Variants in FGF10 observed in about 807,000 individuals in gnomAD.
The protein encoded by FGF10 is fibroblast growth factor 10.
In FGF10, 2 loss-of-function variants were observed where a neutral mutation model predicts 19.8. That is an observed-to-expected ratio of 0.10 (90% CI 0.04 to 0.32). The LOEUF (loss-of-function observed/expected upper bound fraction) is 0.32. Ranked by LOEUF, FGF10 falls within the 10% of genes least tolerant of loss-of-function variation. The pLI is 1.00. For missense variants in FGF10, 191 were observed against 246.3 expected, an observed-to-expected ratio of 0.78 and a Z score of 1.50; for synonymous variants, 112 against 94.0, an observed-to-expected ratio of 1.19 and a Z score of -1.10.
intron 1 of FGF10, among the ~76,000 whole-genome samples, chr5:44,362,042 TAAAAA>T (rs1239488434): frequency 6.6e-6 from 1 of 151,640 alleles, no homozygotes; most frequent in African/African-American, 2.4e-5. Context: ...CTATACTCTC[TAAAAA>T]GCCATGCCAA....
chr5:44,340,285 C>T (rs1019570553), intron 1 of FGF10, among the ~76,000 whole-genome samples: 11 of 152,068 alleles, frequency 7.2e-5, no homozygotes, highest in African/African-American at 2.7e-4. Flanking sequence ...ACTCCTTTCC[C>T]TGTCCCTTCA....
rs549240367 is a variant in FGF10, at chr5:44,334,003, C to A, written c.326-23473G>T. On this transcript the variant is annotated intron_variant, in intron 1 of 2. Coordinates refer to ENST00000264664, the MANE Select transcript of FGF10 (RefSeq NM_004465.2). The stretch of plus-strand genomic sequence containing the variant: ...AGTAGATTAAATCTTCTGGCCCACA[C>A]CCTCTTTATTTTCAGAAACAAATGG... Among the ~76,000 whole-genome samples the A allele has an allele frequency of 8.5e-5, 13 of 152,124 alleles. No homozygotes were observed. The South Asian group carries it at 1.9e-3, about 22-fold the overall frequency.
chr5:44,388,796 C>T lies in FGF10; in HGVS notation c.-114G>A. The T allele has an allele frequency of 9.1e-7, 1 of 1,095,544 alleles. No individual in the cohort carries two copies. Among genetic ancestry groups the T allele is most frequent in the Non-Finnish European group, 1.4e-6 (1 of 728,988 alleles). The allele number at this position is 1,095,544 out of a possible 1,614,324, so 67.9% of individuals were successfully genotyped here. ...GAGGTGGTGGCTGCTGGTTAGCTCC[C>T]TCTGGGCGCGGATCTGGCCAGAAGT... On this transcript the variant is annotated 5_prime_UTR_variant, in exon 1 of 3. Transcript: ENST00000264664.
intron 1 of FGF10, among the ~76,000 whole-genome samples, chr5:44,339,513 C>A (rs1304111551): frequency 2.0e-5 from 3 of 152,116 alleles, no homozygotes; most frequent in Non-Finnish European, 4.4e-5. Flanking sequence ...TCTGGTATAG[C>A]AAGACAATTT....
At chr5:44,383,834 G>A (rs73752013) in intron 1 of FGF10, among the ~76,000 whole-genome samples, 3,720 of 152,074 alleles carry the variant, frequency 0.024, 164 homozygotes, top group African/African-American at 0.084. Flanking sequence ...AGATACCAGT[G>A]GAAGCCATAA....
chr5:44,307,832 ATT>A (rs1270082960), intron 2 of FGF10, among the ~76,000 whole-genome samples: 3 of 152,214 alleles, frequency 2.0e-5, no homozygotes, highest in Non-Finnish European at 2.9e-5. Context: ...ATAATTTTTC[ATT>A]ATTCCTAGTA....
chr5:44,310,989 C>CTA (rs1157598396), intron 1 of FGF10, among the ~76,000 whole-genome samples: 1 of 152,036 alleles, frequency 6.6e-6, no homozygotes, highest in African/African-American at 2.4e-5. Context: ...CAGTGATAAA[C>CTA]TATTTCTTCT....
intron 1 of FGF10, among the ~76,000 whole-genome samples, chr5:44,347,776 A>T (rs910421387): frequency 4.6e-5 from 7 of 151,704 alleles, no homozygotes; most frequent in African/African-American, 1.7e-4. Flanking sequence ...TCATGCCCTT[A>T]TAGTAGGATT....
intron 1 of FGF10, among the ~76,000 whole-genome samples, chr5:44,368,426 A>T (rs1247670152): frequency 3.3e-5 from 5 of 152,136 alleles, no homozygotes; most frequent in Admixed American, 6.6e-5. Flanking sequence ...TCAAACCTCC[A>T]CACCTCCATG....
At chr5:44,382,128 A>G (rs913401975) in intron 1 of FGF10, among the ~76,000 whole-genome samples, 1 of 152,218 alleles carries the variant, frequency 6.6e-6, no homozygotes, top group Non-Finnish European at 1.5e-5. Context: ...TGCCAGCACT[A>G]TGAATCTATC....
intron 1 of FGF10, among the ~76,000 whole-genome samples, chr5:44,322,718 A>T (rs1316039278): frequency 2.0e-5 from 3 of 152,036 alleles, no homozygotes; most frequent in Non-Finnish European, 4.4e-5. Context: ...TATCTTTGTG[A>T]AGCAGGGTTT....
intron 1 of FGF10, among the ~76,000 whole-genome samples, chr5:44,320,865 C>T (rs1740469532): frequency 6.6e-6 from 1 of 152,056 alleles, no homozygotes; most frequent in Non-Finnish European, 1.5e-5. Context: ...CAGGCATGTG[C>T]CGCCATGCCT....
At chr5:44,349,451 T>TATATATATATATATATATCAGA (rs1213848914) in intron 1 of FGF10, among the ~76,000 whole-genome samples, 15 of 16,684 alleles carry the variant, frequency 9.0e-4, no homozygotes, top group African/African-American at 2.1e-3. Context: ...TATATATATA[T>TATATATATATATATATATCAGA]ATATATATAT....
intron 1 of FGF10, among the ~76,000 whole-genome samples, chr5:44,357,816 T>C (rs1741382711): frequency 6.6e-6 from 1 of 151,494 alleles, no homozygotes; most frequent in South Asian, 2.1e-4. Context: ...AAATAAGTGC[T>C]TTTTCACTTA....
chr5:44,356,760 G>C (rs1741356060), intron 1 of FGF10, among the ~76,000 whole-genome samples: 1 of 151,380 alleles, frequency 6.6e-6, no homozygotes, highest in South Asian at 2.1e-4. Context: ...TTTAAAAGCA[G>C]TTCTAAAGTT....
At chr5:44,346,906 G>C (rs1300985427) in intron 1 of FGF10, among the ~76,000 whole-genome samples, 1 of 151,602 alleles carries the variant, frequency 6.6e-6, no homozygotes, top group East Asian at 1.9e-4. Flanking sequence ...CTACTGAATT[G>C]AATAATGCAG....
At chr5:44,353,230 C>T (rs1344992014) in intron 1 of FGF10, among the ~76,000 whole-genome samples, 2 of 151,572 alleles carry the variant, frequency 1.3e-5, no homozygotes, top group Non-Finnish European at 3.0e-5. Flanking sequence ...ATGTAAGAAT[C>T]CAGTGCCAGG....
At chr5:44,311,318 A>AGCCCT (rs1740205243) in intron 1 of FGF10, among the ~76,000 whole-genome samples, 1 of 152,120 alleles carries the variant, frequency 6.6e-6, no homozygotes, top group African/African-American at 2.4e-5. Flanking sequence ...ACAATAGGGA[A>AGCCCT]GTCAGTTTAT....
At chr5:44,328,412 AT>A (rs1740660482) in intron 1 of FGF10, among the ~76,000 whole-genome samples, 1 of 152,154 alleles carries the variant, frequency 6.6e-6, no homozygotes, top group African/African-American at 2.4e-5. Flanking sequence ...TATCTTATCT[AT>A]GAGATCTTAA....
Sources: gnomAD v4.1 joint callset for allele counts (sites outside exome capture counted in the v4.1 genomes callset) on GRCh38, gnomAD v4.1.1 for gene constraint, MANE v1.5 for transcripts, NCBI Gene and HGNC (gene_info 2026-07-23, HGNC 2026-07-21) for gene names.